C8orf34: variants seen among roughly 807,000 people sequenced by gnomAD.
The protein encoded by C8orf34 is chromosome 8 open reading frame 34, also known as uncharacterized protein C8orf34.
In C8orf34, 65 loss-of-function variants were observed where a neutral mutation model predicts 68.3. That is an observed-to-expected ratio of 0.95 (90% CI 0.78 to 1.17). The LOEUF is 1.17. Ranked by LOEUF, C8orf34 falls within the 50% of genes most tolerant of loss-of-function variation. The pLI is 0.00. For synonymous variants in C8orf34, 244 were observed against 241.2 expected (o/e 1.01, Z -0.11); for missense variants, 664 against 655.4 (o/e 1.01, Z -0.14).
At chr8:68,401,613 T>A (rs1808958499) in intron 1 of C8orf34, among the ~76,000 whole-genome samples, 1 of 151,134 alleles carries the variant, frequency 6.6e-6, no homozygotes, top group Admixed American at 6.6e-5. Context: ...CTTTTCTTCA[T>A]CTCTTGAAAT....
intron 8 of C8orf34, among the ~76,000 whole-genome samples, chr8:68,649,349 AACTT>A (rs1384874178): frequency 1.3e-5 from 2 of 152,182 alleles, no homozygotes; most frequent in Non-Finnish European, 2.9e-5. Flanking sequence ...GATTTCTAGG[AACTT>A]ACTTGTATAC....
intron 2 of C8orf34, among the ~76,000 whole-genome samples, chr8:68,442,523 G>A (rs890237344): frequency 1.3e-5 from 2 of 152,064 alleles, no homozygotes; most frequent in African/African-American, 4.8e-5. Context: ...AACTGCAGGT[G>A]ATCAAGCTGT....
At chr8:68,437,032 C>T (rs1395928244) in intron 1 of C8orf34, among the ~76,000 whole-genome samples, 1 of 152,194 alleles carries the variant, frequency 6.6e-6, no homozygotes, top group Non-Finnish European at 1.5e-5. Context: ...TAAAACTAGA[C>T]TCTTGTCCAA....
At chr8:68,573,333 T>C (rs1445375419) in intron 7 of C8orf34, among the ~76,000 whole-genome samples, 1 of 152,058 alleles carries the variant, frequency 6.6e-6, no homozygotes, top group Non-Finnish European at 1.5e-5. Flanking sequence ...TGTTTCTACT[T>C]CTCTTGTGCA....
At chr8:68,779,005 TG>T (rs1393742711) in intron 11 of C8orf34, among the ~76,000 whole-genome samples, 1 of 151,872 alleles carries the variant, frequency 6.6e-6, no homozygotes, top group African/African-American at 2.4e-5. Flanking sequence ...AGTGAGACCC[TG>T]TCTCTACAAA....
intron 1 of C8orf34, among the ~76,000 whole-genome samples, chr8:68,331,788 T>TTTTTC (rs1805615499): frequency 3.4e-5 from 2 of 58,288 alleles, no homozygotes; most frequent in African/African-American, 1.7e-4. Flanking sequence ...TCCTTCTTTT[T>TTTTTC]TTTTTTTTTT....
intron 1 of C8orf34, among the ~76,000 whole-genome samples, chr8:68,431,146 C>A (rs1210175504): frequency 6.6e-6 from 1 of 152,066 alleles, no homozygotes; most frequent in Non-Finnish European, 1.5e-5. Flanking sequence ...CACATTGTCA[C>A]CCCAAATTCT....
At chr8:68,475,494 C>A (rs973649629) in intron 4 of C8orf34, among the ~76,000 whole-genome samples, 16 of 152,138 alleles carry the variant, frequency 1.1e-4, no homozygotes, top group Admixed American at 3.3e-4. Flanking sequence ...TTTTCTGAGA[C>A]CTCCCCCTAG....
At chr8:68,478,900 A>G (rs1812738107) in intron 4 of C8orf34, among the ~76,000 whole-genome samples, 1 of 152,178 alleles carries the variant, frequency 6.6e-6, no homozygotes, top group African/African-American at 2.4e-5. Flanking sequence ...TTGAGATGAG[A>G]TTTGGTTGGG....
At chr8:68,330,864 G>T (rs999585128), upstream of C8orf34, 46 of 621,632 alleles carry the variant, frequency 7.4e-5, no homozygotes, top group African/African-American at 6.9e-4. Context: ...CTGTCCGCCC[G>T]CGTGCGCCCC....
intron 6 of C8orf34, among the ~76,000 whole-genome samples, chr8:68,528,357 CCTCTGACA>C (rs1815102764): frequency 6.6e-6 from 1 of 152,178 alleles, no homozygotes; most frequent in South Asian, 2.1e-4. Flanking sequence ...TAGTTTATTG[CCTCTGACA>C]CTCAGCTTTA....
intron 8 of C8orf34, among the ~76,000 whole-genome samples, chr8:68,649,517 C>A (rs1056996219): frequency 6.6e-6 from 1 of 152,190 alleles, no homozygotes; most frequent in Admixed American, 6.5e-5. Flanking sequence ...AAAGCCTCAC[C>A]TTCAGAAATA....
intron 8 of C8orf34, among the ~76,000 whole-genome samples, chr8:68,703,484 A>G (rs1821076819): frequency 6.6e-6 from 1 of 152,110 alleles, no homozygotes. Flanking sequence ...AGGTGGGACA[A>G]GCAACTTTGT....
At chr8:68,472,630 T>G (rs1234718834) in intron 4 of C8orf34, among the ~76,000 whole-genome samples, 2 of 152,160 alleles carry the variant, frequency 1.3e-5, no homozygotes, top group Non-Finnish European at 2.9e-5. Context: ...TATAGCATGC[T>G]TCAGCTAAGC....
At chr8:68,473,771 AC>A (rs1431841072) in intron 4 of C8orf34, among the ~76,000 whole-genome samples, 2 of 152,096 alleles carry the variant, frequency 1.3e-5, no homozygotes, top group Non-Finnish European at 2.9e-5. Context: ...ATAAAATCGC[AC>A]CTATACTTCT....
intron 5 of C8orf34, among the ~76,000 whole-genome samples, chr8:68,496,301 T>C (rs1384142339): frequency 6.6e-6 from 1 of 152,180 alleles, no homozygotes; most frequent in Non-Finnish European, 1.5e-5. Context: ...ACATTCTCAC[T>C]TATACTCATA....
At chr8:68,440,781 G>A (rs1004432453) in intron 2 of C8orf34, among the ~76,000 whole-genome samples, 3 of 149,652 alleles carry the variant, frequency 2.0e-5, no homozygotes, top group African/African-American at 7.4e-5. Context: ...ATCAGTATCT[G>A]GAGAGAAAGG....
chr8:68,769,060 A>C (rs1490211479), intron 10 of C8orf34, among the ~76,000 whole-genome samples: 1 of 152,086 alleles, frequency 6.6e-6, no homozygotes, highest in Non-Finnish European at 1.5e-5. Context: ...AATTTGCTAG[A>C]ATATATCATG....
chr8:68,576,166 A>T (rs916264089), intron 7 of C8orf34, among the ~76,000 whole-genome samples: 2 of 151,452 alleles, frequency 1.3e-5, no homozygotes, highest in African/African-American at 4.8e-5. Context: ...ACACATACAC[A>T]CCCACACAAA....
Sources: gnomAD v4.1 joint callset for allele counts (sites outside exome capture counted in the v4.1 genomes callset) on GRCh38, gnomAD v4.1.1 for gene constraint, MANE v1.5 for transcripts, NCBI Gene and HGNC (gene_info 2026-07-23, HGNC 2026-07-21) for gene names.